Variants in SEZ6L observed in about 807,000 individuals in gnomAD.
The protein encoded by SEZ6L is seizure related 6 homolog like.
A neutral mutation model predicts 106.2 loss-of-function variants in SEZ6L; 37 were observed. The ratio of observed to expected loss-of-function variants is 0.35; its 90% CI spans 0.27 to 0.46. SEZ6L has a LOEUF of 0.46. SEZ6L is among the 20% of genes least tolerant of loss of function. SEZ6L has a pLI of 1.00. For synonymous variants in SEZ6L, 541 were observed against 570.4 expected (o/e 0.95, Z 0.73); for missense variants, 1,172 against 1,332.8 (o/e 0.88, Z 1.88).
intron 1 of SEZ6L, among the ~76,000 whole-genome samples, chr22:26,251,685 T>G (rs147237006): frequency 2.6e-5 from 4 of 152,252 alleles, no homozygotes; most frequent in Non-Finnish European, 4.4e-5. Flanking sequence ...ACAGAATCAG[T>G]GCCCCCTGGA....
At chr22:26,341,874 A>G (rs573228167) in intron 10 of SEZ6L, among the ~76,000 whole-genome samples, 65 of 152,330 alleles carry the variant, frequency 4.3e-4, no homozygotes, top group South Asian at 1.7e-3. Context: ...AGTCCGAACT[A>G]CCAACATTCC....
intron 1 of SEZ6L, among the ~76,000 whole-genome samples, chr22:26,192,618 T>A (rs1940305363): frequency 6.6e-6 from 1 of 152,240 alleles, no homozygotes; most frequent in African/African-American, 2.4e-5. Context: ...CTTTATTAAT[T>A]TTGCTTTTGC....
chr22:26,360,503 G>A lies in SEZ6L; in HGVS notation c.2600-4869G>A, dbSNP rs575340150. On this transcript the variant is annotated intron_variant, in intron 12 of 16. Coordinates refer to ENST00000248933, the MANE Select transcript of SEZ6L (RefSeq NM_021115.5). ...AGAAGGTGTCCAGTGAATATTTGTT[G>A]TATTAATTCATCTGTTAATTTATGA... Among the ~76,000 whole-genome samples, 8 of 152,284 alleles carry A rather than the reference G, an allele frequency of 5.3e-5. No homozygotes were observed. The South Asian group carries it at 1.2e-3, about 24-fold the overall frequency.
chr22:26,355,049 G>C (rs553019456), intron 12 of SEZ6L, among the ~76,000 whole-genome samples: 1 of 152,356 alleles, frequency 6.6e-6, no homozygotes, highest in South Asian at 2.1e-4. Flanking sequence ...TCTAGGTTCT[G>C]AAGGCATTTT....
intron 1 of SEZ6L, among the ~76,000 whole-genome samples, chr22:26,249,416 G>A (rs564012983): frequency 1.3e-5 from 2 of 152,222 alleles, no homozygotes; most frequent in East Asian, 1.9e-4. Context: ...AGAACGTGTG[G>A]TATTTATCTT....
chr22:26,358,199 C>T (rs2083499849), intron 12 of SEZ6L, among the ~76,000 whole-genome samples: 3 of 152,302 alleles, frequency 2.0e-5, no homozygotes, highest in African/African-American at 7.2e-5. Flanking sequence ...CACAGAAATC[C>T]ATGATAACCC....
At chr22:26,301,285 C>A (rs1018417338) in intron 5 of SEZ6L, among the ~76,000 whole-genome samples, 3 of 152,204 alleles carry the variant, frequency 2.0e-5, no homozygotes, top group Non-Finnish European at 4.4e-5. Context: ...TTTTAAGCAC[C>A]TGTTGGGCGT....
chr22:26,226,072 A>ACC (rs1244924240), intron 1 of SEZ6L, among the ~76,000 whole-genome samples: 3 of 152,226 alleles, frequency 2.0e-5, no homozygotes, highest in African/African-American at 7.2e-5. Context: ...CCCTGCTGCC[A>ACC]CCACCCTGGT....
intron 1 of SEZ6L, among the ~76,000 whole-genome samples, chr22:26,286,782 C>G (rs1372748902): frequency 7.6e-6 from 1 of 131,804 alleles, no homozygotes; most frequent in African/African-American, 2.9e-5. Flanking sequence ...AATTTTTGCT[C>G]TGTTGCCCAG....
intron 10 of SEZ6L, among the ~76,000 whole-genome samples, chr22:26,342,189 A>G (rs754158948): frequency 6.6e-6 from 1 of 152,236 alleles, no homozygotes; most frequent in Non-Finnish European, 1.5e-5. Flanking sequence ...TTGCACCCCA[A>G]GAATTTCAAT....
intron 1 of SEZ6L, among the ~76,000 whole-genome samples, chr22:26,280,281 T>C (rs377543580): frequency 6.9e-6 from 1 of 144,368 alleles, no homozygotes; most frequent in African/African-American, 2.6e-5. Context: ...CATATATATA[T>C]ACATATATAT....
At chr22:26,328,206 G>T (rs2082379091) in intron 9 of SEZ6L, among the ~76,000 whole-genome samples, 1 of 152,226 alleles carries the variant, frequency 6.6e-6, no homozygotes, top group Non-Finnish European at 1.5e-5. Context: ...TCACAGGTCA[G>T]AAAGGTGGCA....
At chr22:26,281,925 T>C (rs2080783918) in intron 1 of SEZ6L, among the ~76,000 whole-genome samples, 1 of 152,224 alleles carries the variant, frequency 6.6e-6, no homozygotes, top group South Asian at 2.1e-4. Context: ...CGTGCATAGA[T>C]AGCTTCATCA....
At chr22:26,199,506 C>T (rs1940791930) in intron 1 of SEZ6L, among the ~76,000 whole-genome samples, 1 of 152,174 alleles carries the variant, frequency 6.6e-6, no homozygotes, top group Admixed American at 6.5e-5. Flanking sequence ...AAAGTAATCT[C>T]TTTAATTGCA....
intron 1 of SEZ6L, among the ~76,000 whole-genome samples, chr22:26,270,066 GCTAAGC>G (rs2080313973): frequency 6.6e-6 from 1 of 152,128 alleles, no homozygotes; most frequent in Non-Finnish European, 1.5e-5. Flanking sequence ...CAGGGACACT[GCTAAGC>G]CTGCCTTCAG....
At chr22:26,330,245 C>T (rs978923741) in intron 9 of SEZ6L, among the ~76,000 whole-genome samples, 6 of 147,630 alleles carry the variant, frequency 4.1e-5, no homozygotes, top group Admixed American at 3.4e-4. Context: ...TGTTTGGATT[C>T]CGGCTCTGCT....
intron 13 of SEZ6L, among the ~76,000 whole-genome samples, chr22:26,370,342 G>A (rs2083987715): frequency 6.6e-6 from 1 of 152,002 alleles, no homozygotes; most frequent in Non-Finnish European, 1.5e-5. Context: ...CTGAGATCGA[G>A]CCACTGCACT....
chr22:26,232,091 G>A (rs1189784360), intron 1 of SEZ6L, among the ~76,000 whole-genome samples: 1 of 152,110 alleles, frequency 6.6e-6, no homozygotes, highest in Non-Finnish European at 1.5e-5. Context: ...AGTTTCCTCA[G>A]GTATGAAATG....
At chr22:26,175,026 C>T (rs556584977) in intron 1 of SEZ6L, among the ~76,000 whole-genome samples, 40 of 152,290 alleles carry the variant, frequency 2.6e-4, no homozygotes, top group African/African-American at 8.9e-4. Context: ...GAAGTCCAGC[C>T]TCAGATCCAG....
Sources: allele counts gnomAD v4.1 joint callset (sites outside exome capture counted in the v4.1 genomes callset), GRCh38; gene constraint gnomAD v4.1.1; transcripts MANE v1.5; gene names NCBI Gene and HGNC (gene_info 2026-07-23, HGNC 2026-07-21).